Variants in ROBO1 observed in about 807,000 individuals in gnomAD.
ROBO1 encodes roundabout guidance receptor 1.
Under a neutral mutation model 195.9 loss-of-function variants are expected in ROBO1, and 149 were observed. The ratio of observed to expected loss-of-function variants is 0.76; its 90% CI spans 0.67 to 0.87. The LOEUF (loss-of-function observed/expected upper bound fraction) is 0.87, where lower values mean the gene tolerates loss of function less well. ROBO1 is among the 40% of genes least tolerant of loss of function. The pLI is 0.00. For synonymous variants in ROBO1, 816 were observed against 733.2 expected (o/e 1.11, Z -1.82); for missense variants, 1,933 against 2,068.3 (o/e 0.93, Z 1.27).
At chr3:79,752,964 A>C (rs1704201465) in intron 1 of ROBO1, among the ~76,000 whole-genome samples, 2 of 152,150 alleles carry the variant, frequency 1.3e-5, no homozygotes, top group South Asian at 4.1e-4. Flanking sequence ...AATACGATTG[A>C]GGATTTAGAA....
chr3:78,840,596 G>A (rs1045494007), intron 4 of ROBO1, among the ~76,000 whole-genome samples: 5 of 152,070 alleles, frequency 3.3e-5, no homozygotes, highest in Non-Finnish European at 2.9e-5. Flanking sequence ...AGGTTACACG[G>A]CTAATAACTG....
chr3:78,659,860 A>T, intron 16 of ROBO1, 53 bp from the exon 17 acceptor site: 2 of 1,483,636 alleles, frequency 1.3e-6, no homozygotes, highest in Admixed American at 4.3e-5. Flanking sequence ...AGAACACTGA[A>T]AGCAGGTAAT....
At chr3:79,254,213 CATT>C (rs1306887280) in intron 2 of ROBO1, among the ~76,000 whole-genome samples, 1 of 152,130 alleles carries the variant, frequency 6.6e-6, no homozygotes, top group Non-Finnish European at 1.5e-5. Flanking sequence ...AGATAAATAA[CATT>C]ATGTTTGATA....
At chr3:79,371,010 A>G (rs1271617172) in intron 2 of ROBO1, among the ~76,000 whole-genome samples, 1 of 152,184 alleles carries the variant, frequency 6.6e-6, no homozygotes, top group Non-Finnish European at 1.5e-5. Context: ...TGCAAAGGAC[A>G]TGAACTCATT....
intron 1 of ROBO1, among the ~76,000 whole-genome samples, chr3:79,761,855 A>C (rs1704717243): frequency 6.6e-6 from 1 of 152,184 alleles, no homozygotes; most frequent in South Asian, 2.1e-4. Flanking sequence ...ATTGGAGAGC[A>C]ATTGTTGTGA....
chr3:78,744,341 G>T (rs2082604016), intron 5 of ROBO1, among the ~76,000 whole-genome samples: 1 of 152,074 alleles, frequency 6.6e-6, no homozygotes, highest in South Asian at 2.1e-4. Flanking sequence ...ACCACCATTT[G>T]TCTCTTACCC....
intron 2 of ROBO1, among the ~76,000 whole-genome samples, 191 bp downstream of exon 2, chr3:79,589,633 C>T (rs553367495): frequency 3.1e-4 from 47 of 151,864 alleles, no homozygotes; most frequent in African/African-American, 1.1e-3. Context: ...TAATAAAGTG[C>T]TCTCTATTCA....
At chr3:79,464,149 T>A (rs368663723) in intron 2 of ROBO1, among the ~76,000 whole-genome samples, 31 of 152,340 alleles carry the variant, frequency 2.0e-4, no homozygotes, top group African/African-American at 7.5e-4. Flanking sequence ...ACAGTATACA[T>A]ATATATTTGT....
In ROBO1 at chr3:78,627,518, T is replaced by G; in HGVS notation, c.3678A>C (p.Gln1226His). ...CTTCCTCCTCTTCTAATTCATCTTGTTGCAAATACATCCTTGCTGGTGGCA... is the reference window on the plus strand; with the variant it reads ...CTTCCTCCTCTTCTAATTCATCTTGGTGCAAATACATCCTTGCTGGTGGCA... ...CPVPPARMYL[Q>H]QDELEEEEDE... Residue 1226 changes from glutamine to histidine, a missense_variant, in exon 26 of 31, where the codon CAA becomes CAC. Around this residue, in one of 3 missense-constraint regions of ROBO1, gnomAD observed 1,737 missense variants for 1,882.5 expected, o/e 0.92. Transcript: ENST00000464233. 6.2e-7 allele frequency: 1 copy of G among 1,613,454 alleles called. No homozygotes were observed. The highest frequency in any genetic ancestry group is 1.7e-5 in the Admixed American group (1 of 59,976).
chr3:78,634,285 A>C, intron 23 of ROBO1: 1 of 175,526 alleles, frequency 5.7e-6, no homozygotes, highest in Non-Finnish European at 1.2e-5. Context: ...AGAATCACAA[A>C]AATGTCTGCA....
chr3:79,640,486 T>C (rs960122199), intron 1 of ROBO1, among the ~76,000 whole-genome samples: 1 of 152,090 alleles, frequency 6.6e-6, no homozygotes, highest in African/African-American at 2.4e-5. Flanking sequence ...AATAGACTAA[T>C]ACACTGCCCA....
At chr3:79,340,498 GT>G (rs2034866500) in intron 2 of ROBO1, among the ~76,000 whole-genome samples, 1 of 152,146 alleles carries the variant, frequency 6.6e-6, no homozygotes, top group Non-Finnish European at 1.5e-5. Context: ...GGATGTGATG[GT>G]GGGCTGCAGG....
intron 2 of ROBO1, among the ~76,000 whole-genome samples, chr3:79,535,836 C>T (rs1941836943): frequency 6.6e-6 from 1 of 152,094 alleles, no homozygotes; most frequent in African/African-American, 2.4e-5. Flanking sequence ...ATTTCCTCTT[C>T]TCTCGATCCC....
At chr3:79,646,307 A>G (rs1014595837) in intron 1 of ROBO1, among the ~76,000 whole-genome samples, 4 of 152,138 alleles carry the variant, frequency 2.6e-5, no homozygotes, top group African/African-American at 9.7e-5. Context: ...GTAAATGAAA[A>G]ATGCTTAAAA....
chr3:79,687,981 C>A (rs1947180436), intron 1 of ROBO1, among the ~76,000 whole-genome samples: 1 of 151,938 alleles, frequency 6.6e-6, no homozygotes, highest in Admixed American at 6.6e-5. Flanking sequence ...AAATGTCCAA[C>A]AATGATAGAC....
At chr3:79,321,171 G>C (rs2033967115) in intron 2 of ROBO1, among the ~76,000 whole-genome samples, 1 of 151,970 alleles carries the variant, frequency 6.6e-6, no homozygotes, top group Non-Finnish European at 1.5e-5. Context: ...AGTGGGCACT[G>C]AATAAATGCA....
intron 1 of ROBO1, among the ~76,000 whole-genome samples, chr3:79,711,490 T>C (rs977078606): frequency 6.6e-6 from 1 of 152,150 alleles, no homozygotes; most frequent in African/African-American, 2.4e-5. Flanking sequence ...TGACAAACAG[T>C]AATTATAGTT....
rs577128038 is a variant in ROBO1, at chr3:78,940,186, T to TC, written c.173-1260dup. On this transcript the variant is annotated intron_variant, in intron 3 of 30. Coordinates refer to ENST00000464233, the MANE Select transcript of ROBO1 (RefSeq NM_002941.4). ...AGAAACCAGTCTTCCTCTCTTTCTG[T>TC]CCCCTAGTTCTTTCCAAATTCCTCC... Among the ~76,000 whole-genome samples the TC allele has an allele frequency of 1.2e-4, 19 of 152,100 alleles. No homozygotes were observed. The South Asian group carries it at 3.9e-3, about 32-fold the overall frequency.
intron 2 of ROBO1, among the ~76,000 whole-genome samples, chr3:79,342,561 T>C (rs540585685): frequency 2.0e-5 from 3 of 152,182 alleles, no homozygotes; most frequent in Non-Finnish European, 4.4e-5. Context: ...ATGAGCATTT[T>C]AAAAAGTTAC....
Sources: allele counts gnomAD v4.1 joint callset (sites outside exome capture counted in the v4.1 genomes callset), GRCh38; gene constraint gnomAD v4.1.1; regional missense constraint gnomAD v4.1.1; transcripts MANE v1.5; gene names NCBI Gene and HGNC (gene_info 2026-07-23, HGNC 2026-07-21).